Variants in NDUFAF2 observed in about 807,000 individuals in gnomAD.
NDUFAF2 encodes the protein NADH:ubiquinone oxidoreductase complex assembly factor 2.
NDUFAF2 carries 13 observed loss-of-function variants against 22.8 expected under a neutral mutation model. The ratio of observed to expected loss-of-function variants is 0.57; its 90% CI spans 0.37 to 0.91. The LOEUF (loss-of-function observed/expected upper bound fraction) is 0.91. NDUFAF2 is among the 40% of genes least tolerant of loss of function. NDUFAF2 has a pLI of 0.01. For missense variants in NDUFAF2, 162 were observed against 195.2 expected (o/e 0.83, Z 1.01); for synonymous variants, 53 against 64.2 (o/e 0.83, Z 0.84).
intron 3 of NDUFAF2, among the ~76,000 whole-genome samples, chr5:61,150,025 G>A (rs534439891): frequency 2.0e-5 from 3 of 152,238 alleles, no homozygotes; most frequent in Admixed American, 2.0e-4. Flanking sequence ...CACCTCCCAG[G>A]TTCAAGTGAT....
At chr5:61,073,976 C>G (rs535534921) in intron 2 of NDUFAF2, among the ~76,000 whole-genome samples, 1 of 152,328 alleles carries the variant, frequency 6.6e-6, no homozygotes, top group South Asian at 2.1e-4. Context: ...AGAATATTTC[C>G]TAGTTTTCCA....
At chr5:61,143,388 G>A (rs1479542812) in intron 3 of NDUFAF2, among the ~76,000 whole-genome samples, 1 of 151,832 alleles carries the variant, frequency 6.6e-6, no homozygotes, top group African/African-American at 2.4e-5. Context: ...TTAAATTATG[G>A]AAAGAAATTA....
In NDUFAF2 at chr5:61,094,374, G is replaced by A. The variant is rs551141101; in HGVS notation, c.218-4618G>A. ...CTTCTCTATACTGGCTGTTTTGTCC[G>A]TCAGCCTCTGCAATGTTGTATCACA... On this transcript the variant is annotated intron_variant, in intron 2 of 3. Coordinates refer to ENST00000296597, the MANE Select transcript of NDUFAF2 (RefSeq NM_174889.5). Among the ~76,000 whole-genome samples, 36 of 152,264 alleles carry A rather than the reference G, an allele frequency of 2.4e-4. 1 individual carries two copies. Among genetic ancestry groups the A allele is most frequent in the Admixed American group, 2.2e-3 (34 of 15,304 alleles).
chr5:61,060,464 C>A (rs1197057539), intron 1 of NDUFAF2, among the ~76,000 whole-genome samples: 4 of 152,106 alleles, frequency 2.6e-5, no homozygotes, highest in African/African-American at 9.7e-5. Flanking sequence ...TCTTATACAT[C>A]ACCACCAGTC....
intron 1 of NDUFAF2, among the ~76,000 whole-genome samples, chr5:61,059,950 T>TA (rs1752143720): frequency 6.6e-6 from 1 of 152,256 alleles, no homozygotes; most frequent in African/African-American, 2.4e-5. Context: ...TAATTGGGTA[T>TA]CTGTAATAAT....
chr5:61,073,699 TAAGAC>T (rs1752331300), intron 2 of NDUFAF2, among the ~76,000 whole-genome samples: 1 of 152,346 alleles, frequency 6.6e-6, no homozygotes, highest in South Asian at 2.1e-4. Flanking sequence ...GACTGCCTGT[TAAGAC>T]AAGGATGGAT....
rs158920 is a variant in NDUFAF2 at position 60,945,441 on chromosome 5, G to A, written c.127+59G>A. On this transcript the variant is annotated intron_variant, in intron 1 of 3. Coordinates refer to ENST00000296597, the MANE Select transcript of NDUFAF2 (RefSeq NM_174889.5). Reference sequence around the variant, plus strand: ...CAGTGATTGCGAGGTCAGTAAAGGAGGGAAAAGTGAGAGCCCCTAGTCAAC... The same window carrying A: ...CAGTGATTGCGAGGTCAGTAAAGGAAGGAAAAGTGAGAGCCCCTAGTCAAC... The A allele has an allele frequency of 0.18, 286,601 of 1,612,692 alleles. 27,360 individuals carry two copies. Among genetic ancestry groups the A allele is most frequent in the South Asian group, 0.29 (26,410 of 91,008 alleles).
chr5:61,091,504 T>C (rs183767019), intron 2 of NDUFAF2, among the ~76,000 whole-genome samples: 2 of 152,312 alleles, frequency 1.3e-5, no homozygotes, highest in East Asian at 1.9e-4. Flanking sequence ...TGGCCTACTT[T>C]TTAATGGGGT....
At chr5:61,131,193 T>A (rs190111254) in intron 3 of NDUFAF2, among the ~76,000 whole-genome samples, 125 of 151,694 alleles carry the variant, frequency 8.2e-4, no homozygotes, top group African/African-American at 2.9e-3. Context: ...ATGTTAACTT[T>A]TTTTTCTTTT....
chr5:61,018,103 C>T (rs1751535606), intron 1 of NDUFAF2, among the ~76,000 whole-genome samples: 1 of 152,236 alleles, frequency 6.6e-6, no homozygotes, highest in East Asian at 1.9e-4. Flanking sequence ...ACTTAAAACT[C>T]AGTACTTTCT....
At chr5:61,093,639 G>A (rs972760310) in intron 2 of NDUFAF2, among the ~76,000 whole-genome samples, 3 of 152,164 alleles carry the variant, frequency 2.0e-5, no homozygotes, top group Non-Finnish European at 4.4e-5. Flanking sequence ...GCTTTTTGAT[G>A]TGCTACTGTA....
intron 1 of NDUFAF2, among the ~76,000 whole-genome samples, chr5:61,031,246 A>C (rs1751722411): frequency 6.6e-6 from 1 of 152,002 alleles, no homozygotes; most frequent in African/African-American, 2.4e-5. Context: ...TACACGTGCC[A>C]TGGTGGTTTG....
chr5:60,950,759 A>G (rs919377093), intron 1 of NDUFAF2, among the ~76,000 whole-genome samples: 1 of 151,942 alleles, frequency 6.6e-6, no homozygotes, highest in African/African-American at 2.4e-5. Context: ...GAAAAATTGA[A>G]TGGAAACTAC....
chr5:61,039,340 A>G (rs537373693), intron 1 of NDUFAF2, among the ~76,000 whole-genome samples: 6 of 152,304 alleles, frequency 3.9e-5, no homozygotes, highest in Admixed American at 1.3e-4. Context: ...TCTGAAGAAT[A>G]GAACATCTAT....
chr5:61,084,703 ATGT>A (rs1325721919), intron 2 of NDUFAF2, among the ~76,000 whole-genome samples: 1 of 152,120 alleles, frequency 6.6e-6, no homozygotes, highest in Non-Finnish European at 1.5e-5. Flanking sequence ...TAGATACCAC[ATGT>A]TGTTTATCCA....
intron 1 of NDUFAF2, among the ~76,000 whole-genome samples, chr5:61,029,325 G>T (rs1394203839): frequency 6.6e-6 from 1 of 152,030 alleles, no homozygotes; most frequent in Admixed American, 6.6e-5. Context: ...AAGATTTTTT[G>T]ATTGCCATGC....
intron 1 of NDUFAF2, among the ~76,000 whole-genome samples, chr5:60,970,282 G>A (rs1750810307): frequency 6.6e-6 from 1 of 152,140 alleles, no homozygotes; most frequent in Non-Finnish European, 1.5e-5. Context: ...TATTTTGATA[G>A]GGATTGCATT....
At chr5:61,043,525 T>C (rs986619886) in intron 1 of NDUFAF2, among the ~76,000 whole-genome samples, 1 of 152,064 alleles carries the variant, frequency 6.6e-6, no homozygotes, top group African/African-American at 2.4e-5. Flanking sequence ...ACAATTTAGC[T>C]CTGTTTCTAT....
chr5:61,139,161 C>T (rs1007904401), intron 3 of NDUFAF2, among the ~76,000 whole-genome samples: 10 of 152,280 alleles, frequency 6.6e-5, no homozygotes, highest in African/African-American at 1.9e-4. Flanking sequence ...TTAGCCTAGT[C>T]GACCTTAAAC....
Sources: gnomAD v4.1 joint callset for allele counts (sites outside exome capture counted in the v4.1 genomes callset) on GRCh38, gnomAD v4.1.1 for gene constraint, MANE v1.5 for transcripts, NCBI Gene and HGNC (gene_info 2026-07-23, HGNC 2026-07-21) for gene names.